The following SLC2A9 variants were observed in gnomAD, a reference collection of about 807,000 sequenced individuals.
SLC2A9 encodes solute carrier family 2 member 9, also known as solute carrier family 2, facilitated glucose transporter member 9.
A neutral mutation model predicts 50.6 loss-of-function variants in SLC2A9; 39 were observed. That is an observed-to-expected ratio of 0.77 (90% confidence interval 0.60 to 1.01). The LOEUF is 1.01. SLC2A9 is among the 50% of genes least tolerant of loss of function. The pLI is 0.00. For missense variants in SLC2A9, 686 were observed against 677.6 expected (o/e 1.01, Z -0.14); for synonymous variants, 324 against 276.9 (o/e 1.17, Z -1.69).
intron 6 of SLC2A9, among the ~76,000 whole-genome samples, chr4:9,928,037 G>T (rs371391187): frequency 2.6e-5 from 4 of 152,156 alleles, no homozygotes; most frequent in East Asian, 1.9e-4. Flanking sequence ...ATCTTTTTGG[G>T]AGGCTGAGGT....
intron 2 of SLC2A9, among the ~76,000 whole-genome samples, chr4:10,002,114 G>A (rs909789814): frequency 6.6e-6 from 1 of 152,218 alleles, no homozygotes; most frequent in African/African-American, 2.4e-5. Flanking sequence ...TGCCAGCGGT[G>A]CAGTCAATGG....
intron 5 of SLC2A9, among the ~76,000 whole-genome samples, chr4:9,950,892 C>CAAAA (rs764863059): frequency 1.7e-4 from 2 of 11,554 alleles, no homozygotes; most frequent in Non-Finnish European, 3.0e-4. Context: ...GACTCCGTCT[C>CAAAA]AAAAAAAAAA....
At chr4:9,835,109 C>T in intron 10 of SLC2A9, 101 bp from the exon 11 acceptor site, 3 of 1,549,854 alleles carry the variant, frequency 1.9e-6, no homozygotes, top group South Asian at 2.3e-5. Context: ...CCCACCCCTG[C>T]CCCTTGACTG....
chr4:9,981,438 TA>T (rs1755865128), intron 4 of SLC2A9, among the ~76,000 whole-genome samples: 2 of 152,176 alleles, frequency 1.3e-5, no homozygotes, highest in Admixed American at 1.3e-4. Flanking sequence ...TCTTTATATG[TA>T]TTAACGTTAT....
At chr4:10,032,676 C>T (rs1406514854) in intron 1 of SLC2A9, among the ~76,000 whole-genome samples, 1 of 152,164 alleles carries the variant, frequency 6.6e-6, no homozygotes, top group East Asian at 1.9e-4. Flanking sequence ...CTGCCAAGTC[C>T]TCCATGCACA....
In SLC2A9 at chr4:9,913,916, A is replaced by G. The variant is rs78839964; in HGVS notation, c.1003-5571T>C. ...GCCTCTCTCTGTCTCCCCCTCTCTA[A>G]CCTTTTCTGAATTTCAGAGAAGAAG... is the stretch of plus-strand genomic sequence containing the variant. On this transcript the variant is annotated intron_variant, in intron 7 of 11. Transcript: ENST00000264784. Among the ~76,000 whole-genome samples, 7 of 152,144 alleles carry G rather than the reference A, an allele frequency of 4.6e-5. No individual in the cohort carries two copies. In the East Asian group the frequency reaches 1.4e-3, roughly 29 times the overall value.
At chr4:9,953,935 G>T (rs4385058) in intron 5 of SLC2A9, among the ~76,000 whole-genome samples, 73,019 of 151,680 alleles carry the variant, frequency 0.48, 18,902 homozygotes, top group African/African-American at 0.67. Context: ...TCAGCCTCCC[G>T]AGTAGCTGGG....
chr4:9,980,847 T>C, intron 4 of SLC2A9, 110 bp from the exon 5 acceptor site: 1 of 1,403,830 alleles, frequency 7.1e-7, no homozygotes. Flanking sequence ...TAAATAGCAC[T>C]GTAGCCACGG....
At chr4:9,908,034 C>T (rs1741004301) in intron 8 of SLC2A9, among the ~76,000 whole-genome samples, 1 of 152,102 alleles carries the variant, frequency 6.6e-6, no homozygotes, top group Non-Finnish European at 1.5e-5. Flanking sequence ...GGTCAATAGC[C>T]CAGACACAAA....
At chr4:9,883,519 G>A (rs748302176) in intron 10 of SLC2A9, among the ~76,000 whole-genome samples, 6 of 152,208 alleles carry the variant, frequency 3.9e-5, no homozygotes, top group Admixed American at 6.5e-5. Context: ...TTGCACAGTA[G>A]GGGTGATGTA....
chr4:9,771,240 G>A (rs537842214), exon 2 of SLC2A9: 1 of 366,386 alleles, frequency 2.7e-6, no homozygotes, highest in African/African-American at 2.1e-5. Flanking sequence ...CCTAACCTCA[G>A]TGACAGTGCA....
chr4:9,858,968 T>A (rs555148494), intron 10 of SLC2A9, among the ~76,000 whole-genome samples: 1 of 152,210 alleles, frequency 6.6e-6, no homozygotes, highest in Admixed American at 6.5e-5. Flanking sequence ...TTCCTGCCCT[T>A]GAACATCAGA....
intron 10 of SLC2A9, among the ~76,000 whole-genome samples, chr4:9,873,132 T>C (rs1252525520): frequency 6.6e-6 from 1 of 152,184 alleles, no homozygotes. Context: ...TACCATATGT[T>C]CCCAGTGGGG....
At chr4:9,991,330 T>C (rs768430898) in intron 3 of SLC2A9, among the ~76,000 whole-genome samples, 5 of 152,088 alleles carry the variant, frequency 3.3e-5, no homozygotes, top group Non-Finnish European at 7.4e-5. Flanking sequence ...AAAGAAGAGG[T>C]TGTCAGCAGC....
chr4:9,780,217 C>A (rs573281095), intron 3 of SLC2A9, among the ~76,000 whole-genome samples: 10 of 152,132 alleles, frequency 6.6e-5, no homozygotes, highest in Non-Finnish European at 1.3e-4. Context: ...TCACTGCCTG[C>A]TGGGAAGACA....
chr4:9,796,176 A>G (rs1241634309), downstream of SLC2A9, among the ~76,000 whole-genome samples: 2 of 152,210 alleles, frequency 1.3e-5, no homozygotes, highest in East Asian at 3.9e-4. Context: ...CCTGAGGCTG[A>G]GGAAGGGTCC....
At chr4:9,883,997 T>G (rs1408531671) in intron 10 of SLC2A9, among the ~76,000 whole-genome samples, 3 of 152,196 alleles carry the variant, frequency 2.0e-5, no homozygotes, top group Non-Finnish European at 4.4e-5. Flanking sequence ...CCTTTTCACC[T>G]ACTGGATGCA....
intron 10 of SLC2A9, among the ~76,000 whole-genome samples, chr4:9,855,417 A>G (rs1256338792): frequency 6.6e-6 from 1 of 152,206 alleles, no homozygotes; most frequent in East Asian, 1.9e-4. Flanking sequence ...CAGGGAGGCG[A>G]AAGATCCCTA....
At chr4:9,899,311 A>G (rs1739168485) in intron 8 of SLC2A9, among the ~76,000 whole-genome samples, 1 of 152,234 alleles carries the variant, frequency 6.6e-6, no homozygotes, top group Non-Finnish European at 1.5e-5. Flanking sequence ...AGGAGCAGAG[A>G]ATGGTGTGAT....
Sources: gnomAD v4.1 joint callset for allele counts (sites outside exome capture counted in the v4.1 genomes callset) on GRCh38, gnomAD v4.1.1 for gene constraint, MANE v1.5 for transcripts, NCBI Gene and HGNC (gene_info 2026-07-23, HGNC 2026-07-21) for gene names.